C7orf78: variants seen among roughly 807,000 people sequenced by gnomAD.
C7orf78 encodes chromosome 7 open reading frame 78.
the C7orf78 span, among the ~76,000 whole-genome samples, chr7:12,494,203 G>T: frequency 6.6e-6 from 1 of 152,088 alleles, no homozygotes; most frequent in East Asian, 1.9e-4. Flanking sequence ...AGGAGAGAAG[G>T]CAATATTGAC....
the C7orf78 span, chr7:12,523,246 T>C: frequency 5.0e-6 from 2 of 398,108 alleles, no homozygotes. Flanking sequence ...AAAAAATCAG[T>C]TTTCCAGAAA....
the C7orf78 span, among the ~76,000 whole-genome samples, chr7:12,513,925 A>G: frequency 2.8e-4 from 42 of 152,248 alleles, no homozygotes; most frequent in African/African-American, 7.7e-4. Flanking sequence ...GTGTAAACCC[A>G]GGAGGCGGAG....
At chr7:12,484,616 G>A in the C7orf78 span, among the ~76,000 whole-genome samples, 3 of 152,016 alleles carry the variant, frequency 2.0e-5, no homozygotes, top group Non-Finnish European at 4.4e-5. Context: ...ATATTATGCT[G>A]TTACCATATA....
At chr7:12,505,881 G>A in the C7orf78 span, 1 of 152,056 alleles carries the variant, frequency 6.6e-6, no homozygotes, top group Non-Finnish European at 1.5e-5. Flanking sequence ...TACAATAGAA[G>A]CTTAATTTTA....
At chr7:12,484,230 G>C in the C7orf78 span, among the ~76,000 whole-genome samples, 2 of 152,120 alleles carry the variant, frequency 1.3e-5, no homozygotes, top group Non-Finnish European at 2.9e-5. Flanking sequence ...ATTGTTCTTA[G>C]GTGTGATCTG....
At chr7:12,500,682 A>G in the C7orf78 span, among the ~76,000 whole-genome samples, 3 of 152,252 alleles carry the variant, frequency 2.0e-5, no homozygotes, top group African/African-American at 7.2e-5. Flanking sequence ...TCCTTCTGAA[A>G]CTATTCCAGT....
chr7:12,505,169 T>TA, the C7orf78 span, among the ~76,000 whole-genome samples: 1 of 152,052 alleles, frequency 6.6e-6, no homozygotes, highest in East Asian at 1.9e-4. Flanking sequence ...AAAATATGAT[T>TA]AGATGTTTGG....
At chr7:12,494,009 G>A in the C7orf78 span, among the ~76,000 whole-genome samples, 1 of 152,164 alleles carries the variant, frequency 6.6e-6, no homozygotes, top group Admixed American at 6.5e-5. Flanking sequence ...TGGTAAATAG[G>A]GTTAGTATTG....
chr7:12,509,921 C>G, the C7orf78 span, among the ~76,000 whole-genome samples: 1 of 151,604 alleles, frequency 6.6e-6, no homozygotes, highest in Non-Finnish European at 1.5e-5. Flanking sequence ...GTAATCCCAG[C>G]TACTTTGGAG....
At chr7:12,523,294 G>A in the C7orf78 span, 8 of 398,300 alleles carry the variant, frequency 2.0e-5, no homozygotes, top group Non-Finnish European at 3.5e-5. Context: ...ATCATCCTAA[G>A]GAGGTTACAG....
At chr7:12,486,232 G>A in the C7orf78 span, among the ~76,000 whole-genome samples, 1 of 152,040 alleles carries the variant, frequency 6.6e-6, no homozygotes, top group Non-Finnish European at 1.5e-5. Flanking sequence ...TAGTTATGGT[G>A]TAATAGAACT....
chr7:12,495,201 TTCC>T, the C7orf78 span, among the ~76,000 whole-genome samples: 1 of 152,224 alleles, frequency 6.6e-6, no homozygotes, highest in Non-Finnish European at 1.5e-5. Flanking sequence ...CTCATTTTTT[TTCC>T]TCATCTTACG....
chr7:12,493,458 G>A, the C7orf78 span, among the ~76,000 whole-genome samples: 3 of 152,198 alleles, frequency 2.0e-5, no homozygotes, highest in African/African-American at 7.2e-5. Context: ...TGGAAGGCTT[G>A]TGAAAACACT....
the C7orf78 span, among the ~76,000 whole-genome samples, chr7:12,526,195 A>G: frequency 1.9e-3 from 293 of 152,200 alleles, 1 homozygote; most frequent in Non-Finnish European, 3.5e-3. Context: ...GCAACTTTGA[A>G]TCTTGGCTTC....
the C7orf78 span, among the ~76,000 whole-genome samples, chr7:12,534,995 G>GAAGGAAGT: frequency 1.1e-4 from 17 of 150,862 alleles, no homozygotes; most frequent in Non-Finnish European, 1.9e-4. Context: ...AGGAAGGAAG[G>GAAGGAAGT]AAGGAAGGAA....
chr7:12,503,609 CT>C, the C7orf78 span, among the ~76,000 whole-genome samples: 8,154 of 144,486 alleles, frequency 0.056, 257 homozygotes, highest in Middle Eastern at 0.089. Flanking sequence ...AGTTTTCTTT[CT>C]TTTTTTTTTT....
At chr7:12,542,021 G>T in the C7orf78 span, 2 of 152,180 alleles carry the variant, frequency 1.3e-5, no homozygotes, top group East Asian at 3.9e-4. Context: ...GAAAACAAAT[G>T]ACTTGAAACT....
chr7:12,505,835 G>A, the C7orf78 span, among the ~76,000 whole-genome samples: 1 of 151,752 alleles, frequency 6.6e-6, no homozygotes, highest in Non-Finnish European at 1.5e-5. Context: ...TTTCTGCCTG[G>A]GAACTACAAA....
the C7orf78 span, among the ~76,000 whole-genome samples, chr7:12,540,135 C>A: frequency 6.6e-6 from 1 of 152,162 alleles, no homozygotes; most frequent in African/African-American, 2.4e-5. Flanking sequence ...AGTTGGCTTC[C>A]TTTGGTTTGA....
Sources: gnomAD v4.1 joint callset for allele counts (sites outside exome capture counted in the v4.1 genomes callset) on GRCh38, gnomAD v4.1.1 for gene constraint, MANE v1.5 for transcripts, NCBI Gene and HGNC (gene_info 2026-07-23, HGNC 2026-07-21) for gene names.